FRMD3: variants seen among roughly 807,000 people sequenced by gnomAD.
FRMD3 encodes FERM domain containing 3, also known as FERM domain-containing protein 3.
In FRMD3, 33 loss-of-function variants were observed where a neutral mutation model predicts 70.2. That is an observed-to-expected ratio of 0.47 (90% CI 0.36 to 0.63). The LOEUF (loss-of-function observed/expected upper bound fraction) is 0.63, where lower values mean the gene tolerates loss of function less well. Ranked by LOEUF, FRMD3 falls within the 20% of genes least tolerant of loss-of-function variation. The probability of loss-of-function intolerance (pLI) is 0.00; values close to 1 mark genes in which losing one functional copy is unlikely to be tolerated. For missense variants in FRMD3, 632 were observed against 711.4 expected (o/e 0.89, Z 1.27); for synonymous variants, 279 against 255.9 (o/e 1.09, Z -0.86).
At chr9:83,492,034 T>C (rs1009140292) in intron 1 of FRMD3, among the ~76,000 whole-genome samples, 4 of 152,172 alleles carry the variant, frequency 2.6e-5, no homozygotes, top group Non-Finnish European at 5.9e-5. Flanking sequence ...AAATATACAA[T>C]CTAATTTTGA....
In FRMD3 at chr9:83,477,308, G is replaced by A. The variant is rs79703661; in HGVS notation, c.147+60777C>T. Reference sequence around the variant, plus strand: ...AAGAAATGATTCGACTGAGTAGCCTGGTTTCAACCACATTCAGAATTATTT... The same window carrying A: ...AAGAAATGATTCGACTGAGTAGCCTAGTTTCAACCACATTCAGAATTATTT... On this transcript the variant is annotated intron_variant, in intron 1 of 13. Transcript: ENST00000304195. 3.1e-3 allele frequency among the ~76,000 whole-genome samples: 477 copies of A among 152,266 alleles called. 1 individual carries two copies. The highest frequency in any genetic ancestry group is 0.011 in the African/African-American group (466 of 41,548).
chr9:83,289,511 TTA>T (rs1834334134), intron 13 of FRMD3, among the ~76,000 whole-genome samples: 1 of 152,234 alleles, frequency 6.6e-6, no homozygotes, highest in South Asian at 2.1e-4. Flanking sequence ...CTAGAATTTT[TTA>T]TGTGTCACTG....
chr9:83,544,026 G>C, the FRMD3 span, among the ~76,000 whole-genome samples: 1 of 152,172 alleles, frequency 6.6e-6, no homozygotes, highest in South Asian at 2.1e-4. Flanking sequence ...CTGGGCCCTA[G>C]ATTGTACAAA....
intron 13 of FRMD3, chr9:83,279,422 T>C (rs1833896802): frequency 6.6e-6 from 1 of 152,200 alleles, no homozygotes; most frequent in South Asian, 2.1e-4. Context: ...AAAAAGAAGA[T>C]GGCACCATTT....
intron 1 of FRMD3, among the ~76,000 whole-genome samples, chr9:83,533,057 G>A (rs1055963156): frequency 6.6e-6 from 1 of 152,136 alleles, no homozygotes; most frequent in African/African-American, 2.4e-5. Flanking sequence ...AAGATAATAA[G>A]TGTCCTTATT....
chr9:83,330,643 T>C (rs1292152294), intron 6 of FRMD3, among the ~76,000 whole-genome samples: 2 of 152,244 alleles, frequency 1.3e-5, no homozygotes, highest in African/African-American at 4.8e-5. Flanking sequence ...AAATGTGGCC[T>C]GCCACCTGTG....
At position 83,312,005 on chromosome 9, in the gene FRMD3, ATC is replaced by A. The variant is rs1835380478; in HGVS notation, c.685-32_685-31del. 3 of 1,468,868 alleles carry A rather than the reference ATC, an allele frequency of 2.0e-6. No homozygotes were observed. In the South Asian group the frequency reaches 3.7e-5, roughly 18 times the overall value. The allele number at this position is 1,468,868 out of a possible 1,614,324, so 91.0% of individuals were successfully genotyped here. On this transcript the variant is annotated intron_variant, in intron 7 of 13. Coordinates refer to ENST00000304195, the MANE Select transcript of FRMD3 (RefSeq NM_174938.6). ...AAAAAAAAAAAAAGAAAAAAGAAAAATCTGTTTAGATTGAGAAAAATAAAATA... is the reference window on the plus strand; with the variant it reads ...AAAAAAAAAAAAAGAAAAAAGAAAAATGTTTAGATTGAGAAAAATAAAATA...
chr9:83,332,851 G>A (rs1823437202), intron 6 of FRMD3, among the ~76,000 whole-genome samples: 2 of 152,202 alleles, frequency 1.3e-5, no homozygotes, highest in South Asian at 4.1e-4. Flanking sequence ...CACGGGTGTT[G>A]TGGTGACTCT....
At chr9:83,502,536 G>T (rs1036590050) in intron 1 of FRMD3, among the ~76,000 whole-genome samples, 1 of 152,108 alleles carries the variant, frequency 6.6e-6, no homozygotes, top group Non-Finnish European at 1.5e-5. Flanking sequence ...ATAGAAGAAA[G>T]AATTTCTTAA....
intron 10 of FRMD3, among the ~76,000 whole-genome samples, chr9:83,308,737 G>A (rs969187337): frequency 2.0e-5 from 3 of 152,140 alleles, no homozygotes; most frequent in Non-Finnish European, 4.4e-5. Flanking sequence ...TACTTTCTAT[G>A]ATCCTAGGCT....
At chr9:83,524,395 A>C (rs1829643032) in intron 1 of FRMD3, among the ~76,000 whole-genome samples, 1 of 152,228 alleles carries the variant, frequency 6.6e-6, no homozygotes, top group African/African-American at 2.4e-5. Context: ...AGTTGATTGC[A>C]ATTTTATTTG....
At chr9:83,340,852 T>A (rs1056135890) in intron 5 of FRMD3, among the ~76,000 whole-genome samples, 2 of 152,168 alleles carry the variant, frequency 1.3e-5, no homozygotes, top group African/African-American at 4.8e-5. Flanking sequence ...TGCCTCAGCC[T>A]CCCAAGTAGC....
the FRMD3 span, among the ~76,000 whole-genome samples, chr9:83,577,728 G>A: frequency 1.4e-4 from 21 of 151,816 alleles, no homozygotes; most frequent in Admixed American, 4.6e-4. Context: ...AGCAACAAAC[G>A]CCTATACCAA....
chr9:83,412,765 C>T (rs1040299075), intron 1 of FRMD3, among the ~76,000 whole-genome samples: 16 of 152,222 alleles, frequency 1.1e-4, no homozygotes, highest in South Asian at 2.1e-4. Flanking sequence ...GAGGCAGAGG[C>T]GGGTGGATAA....
intron 1 of FRMD3, among the ~76,000 whole-genome samples, chr9:83,391,236 G>T (rs898928027): frequency 1.2e-4 from 19 of 152,194 alleles, no homozygotes; most frequent in Admixed American, 1.0e-3. Context: ...ACATAAAAAT[G>T]GAATTTGTTT....
intron 1 of FRMD3, among the ~76,000 whole-genome samples, chr9:83,492,288 G>A (rs1335825355): frequency 2.0e-5 from 3 of 152,176 alleles, no homozygotes; most frequent in Admixed American, 2.0e-4. Flanking sequence ...CAGAAGTGCT[G>A]CATGGAGATG....
chr9:83,277,039 G>A (rs181122276), intron 13 of FRMD3, among the ~76,000 whole-genome samples: 7 of 152,278 alleles, frequency 4.6e-5, no homozygotes, highest in South Asian at 2.1e-4. Flanking sequence ...TCCAGTTTTC[G>A]CAGGGCTACA....
At chr9:83,243,851 T>C (rs1032551072), downstream of FRMD3, among the ~76,000 whole-genome samples, 1 of 152,092 alleles carries the variant, frequency 6.6e-6, no homozygotes, top group Non-Finnish European at 1.5e-5. Flanking sequence ...TATGGAGTTG[T>C]TAGCTTTGCG....
chr9:83,391,658 C>G (rs1825669095), intron 1 of FRMD3, among the ~76,000 whole-genome samples: 1 of 152,112 alleles, frequency 6.6e-6, no homozygotes. Context: ...CCAATATACA[C>G]CCTCCAGCAA....
Sources: allele counts gnomAD v4.1 joint callset (sites outside exome capture counted in the v4.1 genomes callset), GRCh38; gene constraint gnomAD v4.1.1; transcripts MANE v1.5; gene names NCBI Gene and HGNC (gene_info 2026-07-23, HGNC 2026-07-21).